Variants in TACR1 observed in about 807,000 individuals in gnomAD.
TACR1 encodes the protein tachykinin receptor 1.
In TACR1, 25 loss-of-function variants were observed where a neutral mutation model predicts 35.8. That is an observed-to-expected ratio of 0.70 (90% confidence interval 0.51 to 0.98). TACR1 has a LOEUF of 0.98. TACR1 is among the 50% of genes least tolerant of loss of function. TACR1 has a pLI of 0.00. For missense variants in TACR1, 478 were observed against 522.9 expected, an observed-to-expected ratio of 0.91 and a Z score of 0.84; for synonymous variants, 195 against 206.7, an observed-to-expected ratio of 0.94 and a Z score of 0.48.
intron 2 of TACR1, among the ~76,000 whole-genome samples, chr2:75,083,323 C>A (rs1276401047): frequency 6.6e-6 from 1 of 152,300 alleles, no homozygotes; most frequent in East Asian, 1.9e-4. Flanking sequence ...GTTTTGGTTA[C>A]TGTAGCCTTG....
At chr2:75,104,757 C>T (rs920770882) in intron 2 of TACR1, among the ~76,000 whole-genome samples, 9 of 152,110 alleles carry the variant, frequency 5.9e-5, no homozygotes, top group Admixed American at 5.9e-4. Flanking sequence ...ATACGACATA[C>T]AAATGGCTTT....
At chr2:75,070,327 C>T (rs1672853946) in intron 2 of TACR1, among the ~76,000 whole-genome samples, 1 of 151,744 alleles carries the variant, frequency 6.6e-6, no homozygotes, top group Middle Eastern at 3.4e-3. Flanking sequence ...AAGTGCACTG[C>T]TTCTGTCATA....
At chr2:75,082,886 T>C (rs1437065653) in intron 2 of TACR1, among the ~76,000 whole-genome samples, 1 of 152,198 alleles carries the variant, frequency 6.6e-6, no homozygotes, top group African/African-American at 2.4e-5. Context: ...GCCTATTCAC[T>C]CTGATGGTAG....
At chr2:75,054,973 C>A (rs562347869) in intron 2 of TACR1, among the ~76,000 whole-genome samples, 2 of 152,172 alleles carry the variant, frequency 1.3e-5, no homozygotes, top group South Asian at 4.2e-4. Flanking sequence ...GACGAGGAAA[C>A]CACATTTAGA....
At chr2:75,158,307 A>G (rs1028975992) in intron 1 of TACR1, among the ~76,000 whole-genome samples, 3 of 152,246 alleles carry the variant, frequency 2.0e-5, no homozygotes, top group African/African-American at 7.2e-5. Context: ...AGATTTCCAC[A>G]GCTTATTAAC....
At chr2:75,080,668 A>G (rs541784419) in intron 2 of TACR1, among the ~76,000 whole-genome samples, 57 of 152,356 alleles carry the variant, frequency 3.7e-4, no homozygotes, top group African/African-American at 1.3e-3. Context: ...ATGAGCTTAA[A>G]TAAGTCTTTT....
rs1340615794 is a variant in TACR1 at position 75,189,445 on chromosome 2, A to C, written c.389+9101T>G. On this transcript the variant is annotated intron_variant, in intron 1 of 4. Transcript: ENST00000305249. Reference sequence around the variant, plus strand: ...AATGGTACTTCTATGTAAGTAGTGCATGTGTAGTAGTGAGTTTTGTGATCA... The same window carrying C: ...AATGGTACTTCTATGTAAGTAGTGCCTGTGTAGTAGTGAGTTTTGTGATCA... The C allele has an allele frequency of 1.1e-4, 16 of 152,232 alleles. 1 individual carries two copies. The allele number at this position is 152,232 out of a possible 1,614,324, so 9.4% of individuals were successfully genotyped here.
At chr2:75,158,879 T>C (rs1342069964) in intron 1 of TACR1, among the ~76,000 whole-genome samples, 1 of 152,214 alleles carries the variant, frequency 6.6e-6, no homozygotes, top group African/African-American at 2.4e-5. Context: ...ACCAACCAGC[T>C]GTGCAGCTTC....
intron 2 of TACR1, among the ~76,000 whole-genome samples, chr2:75,098,576 C>G (rs143338898): frequency 6.6e-6 from 1 of 152,228 alleles, no homozygotes; most frequent in East Asian, 1.9e-4. Flanking sequence ...CCTTGAGGAC[C>G]ACAAAGCCTT....
At chr2:75,170,232 A>G (rs1366094106) in intron 1 of TACR1, among the ~76,000 whole-genome samples, 1 of 152,122 alleles carries the variant, frequency 6.6e-6, no homozygotes, top group Non-Finnish European at 1.5e-5. Flanking sequence ...TGTTCTTGTG[A>G]TAGTGAATAA....
intron 1 of TACR1, among the ~76,000 whole-genome samples, chr2:75,128,106 C>A (rs1054447969): frequency 4.3e-4 from 65 of 152,182 alleles, no homozygotes; most frequent in Non-Finnish European, 1.9e-4. Flanking sequence ...AAGAGCCTTA[C>A]ACAACTGGTA....
intron 1 of TACR1, among the ~76,000 whole-genome samples, chr2:75,136,957 G>A (rs574226525): frequency 6.6e-6 from 1 of 152,262 alleles, no homozygotes; most frequent in Non-Finnish European, 1.5e-5. Flanking sequence ...GGCTTAGGCC[G>A]GGGTCTCAAT....
chr2:75,178,431 C>A (rs1389754625), intron 1 of TACR1, among the ~76,000 whole-genome samples: 4 of 152,128 alleles, frequency 2.6e-5, no homozygotes, highest in Admixed American at 2.0e-4. Flanking sequence ...GTGATCTGCC[C>A]GCCTCAGCCT....
intron 1 of TACR1, among the ~76,000 whole-genome samples, chr2:75,156,618 AAAAG>A: frequency 6.6e-6 from 1 of 150,972 alleles, no homozygotes; most frequent in African/African-American, 2.4e-5. Flanking sequence ...AAAAAAAAAA[AAAAG>A]AAAGAATTCT....
chr2:75,109,984 CTT>C (rs1673719686), intron 2 of TACR1, among the ~76,000 whole-genome samples: 2 of 152,134 alleles, frequency 1.3e-5, no homozygotes, highest in South Asian at 4.1e-4. Flanking sequence ...AGAGATCTGA[CTT>C]TAGATTAAAA....
chr2:75,051,433 C>A lies in TACR1; in HGVS notation c.750G>T (p.Met250Ile), dbSNP rs1467966283. 13 of 1,614,028 alleles carry A rather than the reference C, an allele frequency of 8.1e-6. No homozygotes were observed. Among genetic ancestry groups the A allele is most frequent in the Non-Finnish European group, 1.1e-5 (13 of 1,179,942 alleles). ...VSAKRKVVKMMIVVVCTFAIC... is the reference protein window; with the variant it reads ...VSAKRKVVKMIIVVVCTFAIC... Reference sequence around the variant, plus strand: ...TGGCGAAGGTGCACACCACGACAATCATCATTTTGACCACCTGGCAAGAGG... The same window carrying A: ...TGGCGAAGGTGCACACCACGACAATAATCATTTTGACCACCTGGCAAGAGG... The change falls in exon 4 of 5, where the codon ATG becomes ATT. Residue 250 changes from methionine to isoleucine, a missense_variant. Transcript: ENST00000305249.
intron 2 of TACR1, among the ~76,000 whole-genome samples, chr2:75,077,103 T>C (rs1672995753): frequency 1.3e-5 from 2 of 152,244 alleles, no homozygotes; most frequent in South Asian, 4.1e-4. Context: ...CCTGAGTAGC[T>C]TGGATTACAG....
At chr2:75,144,688 C>T (rs578099961) in intron 1 of TACR1, among the ~76,000 whole-genome samples, 2 of 152,170 alleles carry the variant, frequency 1.3e-5, no homozygotes, top group Admixed American at 1.3e-4. Flanking sequence ...TTCAAGCACT[C>T]ATTCTATCCA....
At chr2:75,138,689 G>A (rs1674344548) in intron 1 of TACR1, among the ~76,000 whole-genome samples, 1 of 152,070 alleles carries the variant, frequency 6.6e-6, no homozygotes. Context: ...TGCCTCTCCT[G>A]GCTCTGTCCT....
Sources: allele counts gnomAD v4.1 joint callset (sites outside exome capture counted in the v4.1 genomes callset), GRCh38; gene constraint gnomAD v4.1.1; transcripts MANE v1.5; gene names NCBI Gene and HGNC (gene_info 2026-07-23, HGNC 2026-07-21).